Variants in SLAIN1 observed in about 807,000 individuals in gnomAD.
SLAIN1 encodes SLAIN motif-containing protein 1.
SLAIN1 carries 17 observed loss-of-function variants against 55.4 expected under a neutral mutation model. The ratio of observed to expected loss-of-function variants is 0.31; its 90% CI spans 0.21 to 0.46. The LOEUF is 0.46. Ranked by LOEUF, SLAIN1 falls within the 20% of genes least tolerant of loss-of-function variation. SLAIN1 has a pLI of 1.00. For synonymous variants in SLAIN1, 348 were observed against 337.4 expected (o/e 1.03, Z -0.35); for missense variants, 682 against 785.1 (o/e 0.87, Z 1.57).
chr13:77,731,689 C>T (rs976950473), intron 2 of SLAIN1, among the ~76,000 whole-genome samples: 14 of 152,030 alleles, frequency 9.2e-5, no homozygotes, highest in Admixed American at 5.2e-4. Flanking sequence ...CACCTTATAG[C>T]TATCCCAATC....
At position 77,763,292 on chromosome 13, in the gene SLAIN1, A is replaced by G. The variant is rs190402373; in HGVS notation, c.*72A>G. ...GGTTGTGTTACCTAGCTGGCTGGGT[A>G]GCAGTGGATGTTGGGATATTCTTTC... On this transcript the variant is annotated 3_prime_UTR_variant, in exon 7 of 7. Coordinates refer to ENST00000418532, the MANE Select transcript of SLAIN1 (RefSeq NM_001242868.2). 378 of 1,181,080 alleles carry G rather than the reference A, an allele frequency of 3.2e-4. 4 individuals are homozygous for G. The East Asian group carries it at 5.8e-3, about 18-fold the overall frequency. The allele number at this position is 1,181,080 out of a possible 1,614,324, so 73.2% of individuals were successfully genotyped here.
chr13:77,708,937 T>C (rs1488808951), intron 1 of SLAIN1, among the ~76,000 whole-genome samples: 1 of 151,840 alleles, frequency 6.6e-6, no homozygotes, highest in Non-Finnish European at 1.5e-5. Context: ...AGAAATAGAC[T>C]TCAGAAGGTG....
At chr13:77,753,766 T>A (rs1298742569) in intron 5 of SLAIN1, among the ~76,000 whole-genome samples, 1 of 152,204 alleles carries the variant, frequency 6.6e-6, no homozygotes, top group East Asian at 1.9e-4. Flanking sequence ...TCTAGCTGTC[T>A]ACCTGAATAA....
rs927239856 is a variant in SLAIN1 at position 77,698,966 on chromosome 13, C to G, written c.626+427C>G. 3.0e-5 allele frequency: 46 copies of G among 1,534,276 alleles called. No individual in the cohort carries two copies. The highest frequency in any genetic ancestry group is 3.8e-5 in the Non-Finnish European group (44 of 1,146,792). On this transcript the variant is annotated intron_variant, in intron 1 of 6. Transcript: ENST00000418532. This position sits in a 1 kb window ranked among gnomAD's most constrained non-coding sequence, Gnocchi z 4.1. ...CTGTCTGCGACTGTTACTGTTCTTT[C>G]GTTTTAAACGAACGCTGGACAGGAT...
At chr13:77,763,022 T>C in intron 6 of SLAIN1, 123 bp from the exon 7 acceptor site, 1 of 736,390 alleles carries the variant, frequency 1.4e-6, no homozygotes, top group Non-Finnish European at 2.3e-6. Flanking sequence ...ACACTTGAGA[T>C]GGTGCCAGTG....
intron 1 of SLAIN1, among the ~76,000 whole-genome samples, chr13:77,703,127 A>C (rs1444247145): frequency 6.6e-6 from 1 of 152,180 alleles, no homozygotes; most frequent in Non-Finnish European, 1.5e-5. Context: ...TAGTAGAATG[A>C]CAATTAACAG....
intron 4 of SLAIN1, among the ~76,000 whole-genome samples, chr13:77,749,551 A>C (rs2154410632): frequency 6.6e-6 from 1 of 152,216 alleles, no homozygotes; most frequent in Admixed American, 6.6e-5. Context: ...TAGAGTGATG[A>C]GTCTTGCTGC....
At chr13:77,737,489 A>G (rs778089073) in intron 2 of SLAIN1, among the ~76,000 whole-genome samples, 1 of 152,118 alleles carries the variant, frequency 6.6e-6, no homozygotes, top group African/African-American at 2.4e-5. Context: ...ATTAATGTGT[A>G]TAGATATGAG....
intron 2 of SLAIN1, among the ~76,000 whole-genome samples, chr13:77,727,534 C>T (rs28565090): frequency 2.7e-5 from 4 of 149,192 alleles, no homozygotes; most frequent in Non-Finnish European, 4.5e-5. Flanking sequence ...CCTCAAAAAA[C>T]CAAAACAGAG....
At chr13:77,756,645 C>T (rs892005064) in intron 5 of SLAIN1, among the ~76,000 whole-genome samples, 2 of 152,052 alleles carry the variant, frequency 1.3e-5, no homozygotes, top group Admixed American at 6.6e-5. Context: ...CAAGGAGGTT[C>T]ATAAAACCCC....
chr13:77,749,713 G>A (rs1594290674), intron 4 of SLAIN1, among the ~76,000 whole-genome samples: 1 of 152,294 alleles, frequency 6.6e-6, no homozygotes, highest in Non-Finnish European at 1.5e-5. Flanking sequence ...TAAAGAATAT[G>A]TGGTTATTAA....
intron 2 of SLAIN1, among the ~76,000 whole-genome samples, chr13:77,732,523 A>T (rs1872921838): frequency 6.6e-6 from 1 of 152,180 alleles, no homozygotes; most frequent in African/African-American, 2.4e-5. Context: ...CATCGTTGCC[A>T]AATTATTAGA....
chr13:77,759,970 T>C (rs1011170413), intron 5 of SLAIN1, among the ~76,000 whole-genome samples: 4 of 152,190 alleles, frequency 2.6e-5, no homozygotes, highest in Admixed American at 1.3e-4. Context: ...TGGGTCTTTT[T>C]CCCCCTTATA....
intron 4 of SLAIN1, among the ~76,000 whole-genome samples, chr13:77,748,429 A>G (rs892145668): frequency 4.6e-5 from 5 of 107,786 alleles, no homozygotes; most frequent in African/African-American, 2.1e-4. Flanking sequence ...TTTTTTACTT[A>G]AAGTGTTTTA....
intron 5 of SLAIN1, among the ~76,000 whole-genome samples, chr13:77,758,912 G>T (rs977544588): frequency 6.6e-6 from 1 of 151,866 alleles, no homozygotes; most frequent in Non-Finnish European, 1.5e-5. Flanking sequence ...TATGTGGGCC[G>T]TTTTTTGGTT....
At chr13:77,708,204 G>A (rs2091109400) in intron 1 of SLAIN1, among the ~76,000 whole-genome samples, 1 of 152,166 alleles carries the variant, frequency 6.6e-6, no homozygotes, top group Non-Finnish European at 1.5e-5. Context: ...TGAAATATTT[G>A]TATCACATAG....
chr13:77,723,516 A>G (rs2091280699), intron 2 of SLAIN1, among the ~76,000 whole-genome samples: 1 of 152,246 alleles, frequency 6.6e-6, no homozygotes, highest in South Asian at 2.1e-4. Context: ...ACTCTTATGC[A>G]GGATTGTTAT....
chr13:77,709,786 T>G (rs1566220884), intron 1 of SLAIN1, among the ~76,000 whole-genome samples: 1 of 151,280 alleles, frequency 6.6e-6, no homozygotes, highest in South Asian at 2.1e-4. Context: ...TGTTGTTGTT[T>G]TTGAGACAGA....
chr13:77,740,373 G>T (rs1220738092), intron 2 of SLAIN1, among the ~76,000 whole-genome samples: 1 of 152,010 alleles, frequency 6.6e-6, no homozygotes, highest in East Asian at 1.9e-4. Context: ...GTCCTGGGAG[G>T]CAGTTTAGCT....
Sources: allele counts gnomAD v4.1 joint callset (sites outside exome capture counted in the v4.1 genomes callset), GRCh38; gene constraint gnomAD v4.1.1; non-coding constraint Gnocchi (gnomAD v3.1); transcripts MANE v1.5; gene names NCBI Gene and HGNC (gene_info 2026-07-23, HGNC 2026-07-21).